Variants in GMDS observed in about 807,000 individuals in gnomAD.
The protein encoded by GMDS is GDP-mannose 4,6 dehydratase.
A neutral mutation model predicts 49.9 loss-of-function variants in GMDS; 20 were observed. The ratio of observed to expected loss-of-function variants is 0.40; its 90% CI spans 0.28 to 0.58. The LOEUF is 0.58. GMDS is among the 20% of genes least tolerant of loss of function. The probability of loss-of-function intolerance (pLI) is 0.42; values close to 1 mark genes in which losing one functional copy is unlikely to be tolerated. For missense variants in GMDS, 362 were observed against 481.4 expected (o/e 0.75, Z 2.32); for synonymous variants, 177 against 178.6 (o/e 0.99, Z 0.07).
At chr6:1,786,411 A>G (rs1769322248) in intron 7 of GMDS, among the ~76,000 whole-genome samples, 1 of 152,236 alleles carries the variant, frequency 6.6e-6, no homozygotes, top group East Asian at 1.9e-4. Flanking sequence ...CCAGGGAAAG[A>G]GTGGGACTCC....
At chr6:2,204,127 T>C (rs1177848675) in intron 1 of GMDS, among the ~76,000 whole-genome samples, 1 of 152,200 alleles carries the variant, frequency 6.6e-6, no homozygotes, top group East Asian at 1.9e-4. Flanking sequence ...ATTCACACCA[T>C]TTTCTCTACA....
intron 9 of GMDS, among the ~76,000 whole-genome samples, chr6:1,675,209 C>T (rs536332752): frequency 6.6e-6 from 1 of 152,154 alleles, no homozygotes; most frequent in East Asian, 1.9e-4. Context: ...AGTGCTGATA[C>T]ATTGTTTTAA....
At chr6:1,821,903 T>C (rs1178678157) in intron 7 of GMDS, among the ~76,000 whole-genome samples, 1 of 152,120 alleles carries the variant, frequency 6.6e-6, no homozygotes, top group African/African-American at 2.4e-5. Flanking sequence ...AATGCTGGTA[T>C]GCAAACTATT....
chr6:2,150,830 C>A (rs914919072), intron 1 of GMDS, among the ~76,000 whole-genome samples: 9 of 152,062 alleles, frequency 5.9e-5, no homozygotes, highest in African/African-American at 2.2e-4. Context: ...TTATATGATA[C>A]CTAATACAAG....
chr6:2,183,124 C>T (rs919690841), intron 1 of GMDS, among the ~76,000 whole-genome samples: 2 of 152,158 alleles, frequency 1.3e-5, no homozygotes, highest in African/African-American at 2.4e-5. Context: ...AACACAACAT[C>T]CATTCTGCAG....
chr6:2,127,946 C>T (rs1197311673), intron 1 of GMDS, among the ~76,000 whole-genome samples: 1 of 152,236 alleles, frequency 6.6e-6, no homozygotes, highest in Non-Finnish European at 1.5e-5. Context: ...AACAAACAGA[C>T]TAAATCTGTA....
At position 2,230,015 on chromosome 6, in the gene GMDS, A is replaced by AC. The variant is rs1185698594; in HGVS notation, c.102+15305dup. 8.3e-3 allele frequency among the ~76,000 whole-genome samples: 1,193 copies of AC among 143,590 alleles called. 26 individuals are homozygous for AC. The highest frequency in any genetic ancestry group is 0.031 in the African/African-American group (1,128 of 36,320). The allele number at this position is 143,590 out of a possible 152,430, so 94.2% of individuals were successfully genotyped here. On this transcript the variant is annotated intron_variant, in intron 1 of 10. Coordinates refer to ENST00000380815, the MANE Select transcript of GMDS (RefSeq NM_001500.4). ...CAGGCTTTGCGAGACTCCTCTGAAG[A>AC]CCTCCCTCCAGAGTCCACAGTTGCG... is the stretch of plus-strand genomic sequence containing the variant.
intron 4 of GMDS, among the ~76,000 whole-genome samples, chr6:2,059,707 C>CAAAAAAAAAAAAAAAAAAAAAAAAAA (rs35230658): frequency 1.7e-4 from 3 of 17,770 alleles, no homozygotes; most frequent in Non-Finnish European, 2.0e-4. Context: ...GACTCCGTCT[C>CAAAAAAAAAAAAAAAAAAAAAAAAAA]AAAAAAAAAA....
intron 7 of GMDS, among the ~76,000 whole-genome samples, chr6:1,905,737 G>T (rs536114355): frequency 1.4e-5 from 2 of 139,576 alleles, no homozygotes; most frequent in African/African-American, 5.7e-5. Flanking sequence ...GGGTGCTGGC[G>T]TGTAGGTGGG....
chr6:2,203,110 T>C (rs972309786), intron 1 of GMDS, among the ~76,000 whole-genome samples: 1 of 152,236 alleles, frequency 6.6e-6, no homozygotes, highest in African/African-American at 2.4e-5. Context: ...ATTGCCAACA[T>C]AAATTACTTT....
chr6:2,213,721 A>C (rs1421589956), intron 1 of GMDS, among the ~76,000 whole-genome samples: 1 of 152,178 alleles, frequency 6.6e-6, no homozygotes, highest in African/African-American at 2.4e-5. Context: ...CAGCAGGACC[A>C]GAAGAAAGCA....
intron 4 of GMDS, among the ~76,000 whole-genome samples, chr6:2,082,065 C>T (rs1300554170): frequency 6.6e-6 from 1 of 152,162 alleles, no homozygotes; most frequent in South Asian, 2.1e-4. Flanking sequence ...ACTATTTCTA[C>T]GTTCATCCCA....
At chr6:2,165,019 A>C (rs1777592895) in intron 1 of GMDS, among the ~76,000 whole-genome samples, 1 of 152,190 alleles carries the variant, frequency 6.6e-6, no homozygotes, top group Non-Finnish European at 1.5e-5. Flanking sequence ...GTATATCTCT[A>C]TTGCCAGATC....
At chr6:2,165,076 AG>A (rs1777596052) in intron 1 of GMDS, among the ~76,000 whole-genome samples, 1 of 152,166 alleles carries the variant, frequency 6.6e-6, no homozygotes, top group Non-Finnish European at 1.5e-5. Context: ...AAGAGTTATC[AG>A]CATATTTTAG....
intron 9 of GMDS, among the ~76,000 whole-genome samples, chr6:1,676,009 CAAG>C (rs1764611766): frequency 6.6e-6 from 1 of 152,122 alleles, no homozygotes; most frequent in South Asian, 2.1e-4. Context: ...AAGACTAAAC[CAAG>C]AAGAAGTTAT....
intron 1 of GMDS, among the ~76,000 whole-genome samples, chr6:2,145,963 T>C (rs1039852966): frequency 6.6e-6 from 1 of 152,210 alleles, no homozygotes; most frequent in African/African-American, 2.4e-5. Flanking sequence ...CAATCGCTCA[T>C]GCATACTGAG....
chr6:1,642,888 C>T (rs895896120), intron 9 of GMDS, among the ~76,000 whole-genome samples: 5 of 152,166 alleles, frequency 3.3e-5, no homozygotes, highest in African/African-American at 1.2e-4. Flanking sequence ...CCCTTTACTC[C>T]TTATGGAGTC....
chr6:1,996,326 C>G (rs1458844797), intron 4 of GMDS, among the ~76,000 whole-genome samples: 1 of 152,098 alleles, frequency 6.6e-6, no homozygotes, highest in Non-Finnish European at 1.5e-5. Context: ...GGGTAGTGTA[C>G]CTTTTTAAGA....
At position 1,855,717 on chromosome 6, in the gene GMDS, C is replaced by G. The variant is rs1757910550; in HGVS notation, c.771+74386G>C. On this transcript the variant is annotated intron_variant, in intron 7 of 10. Transcript: ENST00000380815. ...AGTCTGAGAGCAGGATGCTGACTAG[C>G]AGGTTGACAAAGAAACAATATTTTT... Among the ~76,000 whole-genome samples, 4 of 152,266 alleles carry G rather than the reference C, an allele frequency of 2.6e-5. No homozygotes were observed. In the South Asian group the frequency reaches 8.3e-4, roughly 32 times the overall value.
Sources: gnomAD v4.1 joint callset for allele counts (sites outside exome capture counted in the v4.1 genomes callset) on GRCh38, gnomAD v4.1.1 for gene constraint, MANE v1.5 for transcripts, NCBI Gene and HGNC (gene_info 2026-07-23, HGNC 2026-07-21) for gene names.